ALMS1: variants seen among roughly 807,000 people sequenced by gnomAD.
ALMS1 encodes the protein centrosome-associated protein ALMS1.
In ALMS1, 271 loss-of-function variants were observed where a neutral mutation model predicts 352.2. That is an observed-to-expected ratio of 0.77 (90% CI 0.70 to 0.85). The LOEUF (loss-of-function observed/expected upper bound fraction) is 0.85. Among genes scored for constraint, ALMS1 ranks in the 40% least tolerant of loss-of-function variants. The probability of loss-of-function intolerance (pLI) is 0.00; values close to 1 mark genes in which losing one functional copy is unlikely to be tolerated. For synonymous variants in ALMS1, 1,865 were observed against 1,761.2 expected, an observed-to-expected ratio of 1.06 and a Z score of -1.48; for missense variants, 5,445 against 4,870.7, an observed-to-expected ratio of 1.12 and a Z score of -3.51.
At chr2:73,543,749 A>G (rs921134723) in intron 12 of ALMS1, among the ~76,000 whole-genome samples, 1 of 152,232 alleles carries the variant, frequency 6.6e-6, no homozygotes, top group Non-Finnish European at 1.5e-5. Context: ...TTATGCAGCC[A>G]ACAGACATGA....
rs1221837224 is a variant in ALMS1 at position 73,448,242 on chromosome 2, C to T, written c.1715C>T (p.Ser572Phe). The T allele has an allele frequency of 1.2e-6, 2 of 1,613,942 alleles. No homozygotes were observed. The highest frequency in any genetic ancestry group is 1.7e-6 in the Non-Finnish European group (2 of 1,179,940). The change falls in exon 8 of 23, where the codon TCT (serine) becomes TTT (phenylalanine). Residue 572 changes from serine (S) to phenylalanine (F), a missense_variant. By Grantham distance (155) the Ser-to-Phe change is radical (BLOSUM62 -2). Transcript: ENST00000613296. ...AAGACTGCAACACCAACAGTACTCTCTAGTTCCCACTCACATAGGGGGAAG... is the reference window on the plus strand; with the variant it reads ...AAGACTGCAACACCAACAGTACTCTTTAGTTCCCACTCACATAGGGGGAAG... ...DQKTATPTVL[S>F]SSHSHRGKPS...
At chr2:73,514,591 T>C (rs577279027) in intron 10 of ALMS1, among the ~76,000 whole-genome samples, 1 of 152,274 alleles carries the variant, frequency 6.6e-6, no homozygotes, top group East Asian at 1.9e-4. Flanking sequence ...ACGTAAAATA[T>C]GTATATATAC....
chr2:73,572,806 T>C lies in ALMS1; in HGVS notation c.10929T>C (p.Ser3643=), dbSNP rs1674966983. 2.5e-6 allele frequency: 4 copies of C among 1,613,876 alleles called. No homozygotes were observed. The highest frequency in any genetic ancestry group is 1.1e-5 in the South Asian group (1 of 91,060). The change falls in exon 16 of 23, where the codon TCT becomes TCC. Residue 3643 remains serine (S), a synonymous_variant. Coordinates refer to ENST00000613296, the MANE Select transcript of ALMS1 (RefSeq NM_001378454.1). ...AKILQNPITH[S]LQVSESTHDD... ...TTCTTCAGAATCCAATCACACATTC[T>C]CTCCAGGTCTCAGAAAGTACACATG...
chr2:73,408,101 A>G (rs948743180), intron 1 of ALMS1, among the ~76,000 whole-genome samples: 4 of 152,228 alleles, frequency 2.6e-5, no homozygotes, highest in Admixed American at 2.6e-4. Flanking sequence ...CTCAAGAACC[A>G]GTCCCTGAAC....
intron 1 of ALMS1, 109 bp downstream of exon 1, chr2:73,386,301 C>G: frequency 1.4e-6 from 2 of 1,386,240 alleles, no homozygotes; most frequent in Non-Finnish European, 1.9e-6. Flanking sequence ...AGAAAACGCG[C>G]GCAGCTGAGG....
At chr2:73,570,217 A>G (rs1023914817) in intron 15 of ALMS1, among the ~76,000 whole-genome samples, 2 of 152,218 alleles carry the variant, frequency 1.3e-5, no homozygotes, top group African/African-American at 4.8e-5. Context: ...GCTAGAATAG[A>G]GCTCAGTTAG....
chr2:73,514,381 C>T (rs1673513451), intron 10 of ALMS1, among the ~76,000 whole-genome samples: 1 of 151,392 alleles, frequency 6.6e-6, no homozygotes, highest in Non-Finnish European at 1.5e-5. Context: ...TATAGTTTAC[C>T]TTAAATTAGT....
chr2:73,409,841 A>G (rs1396527531), intron 2 of ALMS1, among the ~76,000 whole-genome samples: 1 of 152,214 alleles, frequency 6.6e-6, no homozygotes, highest in Non-Finnish European at 1.5e-5. Flanking sequence ...CTGGAGCCCC[A>G]GGAGGGCTGA....
chr2:73,453,378 C>A lies in ALMS1; in HGVS notation c.6851C>A (p.Ala2284Asp). Reference protein sequence around the residue: ...LKRCNFPAPLARFRDISDISF... With the variant: ...LKRCNFPAPLDRFRDISDISF... ...CGATGCAATTTTCCTGCTCCCCTTG[C>A]CCGTTTCAGAGATATTAGTGATATT... The change falls in exon 8 of 23, where the codon GCC (alanine) becomes GAC (aspartate). Residue 2284 changes from alanine (A) to aspartate (D), a missense_variant. Transcript: ENST00000613296. The A allele has an allele frequency of 6.2e-7, 1 of 1,613,840 alleles. No individual in the cohort carries two copies. The highest frequency in any genetic ancestry group is 8.5e-7 in the Non-Finnish European group (1 of 1,179,954).
Position 73,573,344 on chromosome 2 carries a change from C to T in ALMS1, c.11467C>T (p.Arg3823Trp), listed in dbSNP as rs17848868. Residue 3823 changes from arginine to tryptophan, a missense_variant, in exon 16 of 23, where the codon CGG becomes TGG. Physicochemically the swap from Arg to Trp is moderately radical, Grantham distance 101 (BLOSUM62 -3). Transcript: ENST00000613296. ...CCAACAGAGGAGATACCTTGAGAAG[C>T]GGAGCAAACACAGCAAGAAAGTGCT... ...TNQQRRYLEK[R>W]SKHSKKVLNT... 3.0e-5 allele frequency: 49 copies of T among 1,614,068 alleles called. No homozygotes were observed. In the Middle Eastern group the frequency reaches 8.2e-4, roughly 27 times the overall value.
chr2:73,544,450 G>A (rs993012768), intron 12 of ALMS1, among the ~76,000 whole-genome samples: 1 of 152,020 alleles, frequency 6.6e-6, no homozygotes, highest in Non-Finnish European at 1.5e-5. Flanking sequence ...CACCAACATG[G>A]CACATGTATA....
Position 73,573,324 on chromosome 2 carries a change from A to G in ALMS1, c.11447A>G (p.Gln3816Arg). ...TTATATAGCAGCATCACCAACCAAC[A>G]GAGGAGATACCTTGAGAAGCGGAGC... ...IKLYSSITNQQRRYLEKRSKH... is the reference protein window; with the variant it reads ...IKLYSSITNQRRRYLEKRSKH... Residue 3816 changes from glutamine (Q) to arginine (R), a missense_variant, in exon 16 of 23, where the codon CAG (glutamine) becomes CGG (arginine). Transcript: ENST00000613296. 2 of 1,614,142 alleles carry G rather than the reference A, an allele frequency of 1.2e-6. No homozygotes were observed. The highest frequency in any genetic ancestry group is 3.3e-5 in the Admixed American group (2 of 59,996).
rs1251727854 is a variant in ALMS1, at chr2:73,448,274, A to G, written c.1747A>G (p.Ile583Val). Residue 583 changes from isoleucine (I) to valine (V), a missense_variant, in exon 8 of 23, where the codon ATT becomes GTT. Physicochemically the swap from Ile to Val is conservative, Grantham distance 29 (BLOSUM62 3). Coordinates refer to ENST00000613296, the MANE Select transcript of ALMS1 (RefSeq NM_001378454.1). ...SSHSHRGKPSIFYQQGLPDSH... is the reference protein window; with the variant it reads ...SSHSHRGKPSVFYQQGLPDSH... ...CCACTCACATAGGGGGAAGCCCAGC[A>G]TTTTCTACCAGCAGGGCTTGCCAGA... 6.2e-7 allele frequency: 1 copy of G among 1,613,994 alleles called. No homozygotes were observed. The highest frequency in any genetic ancestry group is 1.7e-5 in the Admixed American group (1 of 59,996).
Position 73,451,255 on chromosome 2 carries a change from G to C in ALMS1, c.4728G>C (p.Lys1576Asn). 1 of 1,613,882 alleles carries C rather than the reference G, an allele frequency of 6.2e-7. No individual in the cohort carries two copies. The highest frequency in any genetic ancestry group is 8.5e-7 in the Non-Finnish European group (1 of 1,179,930). Residue 1576 changes from lysine (K) to asparagine (N), a missense_variant, in exon 8 of 23, where the codon AAG becomes AAC. By Grantham distance (94) the Lys-to-Asn change is moderately conservative. Coordinates refer to ENST00000613296, the MANE Select transcript of ALMS1 (RefSeq NM_001378454.1). ...ITSTSYSFGEKPIVNYKQAFP... is the reference protein window; with the variant it reads ...ITSTSYSFGENPIVNYKQAFP... ...CTACTTCCTACTCATTTGGAGAGAAGCCGATTGTTAACTACAAACAGGCCT... is the reference window on the plus strand; with the variant it reads ...CTACTTCCTACTCATTTGGAGAGAACCCGATTGTTAACTACAAACAGGCCT...
chr2:73,495,707 A>G (rs768633786), intron 10 of ALMS1, among the ~76,000 whole-genome samples: 11 of 152,132 alleles, frequency 7.2e-5, no homozygotes, highest in Admixed American at 5.9e-4. Flanking sequence ...TCATATCTGT[A>G]TCTTTTAACG....
intron 11 of ALMS1, among the ~76,000 whole-genome samples, chr2:73,533,193 G>A (rs1673958148): frequency 6.6e-6 from 1 of 152,248 alleles, no homozygotes; most frequent in Non-Finnish European, 1.5e-5. Context: ...TGGGTATGGA[G>A]TGGTGCAAGT....
At chr2:73,485,300 A>T (rs1170147322) in intron 9 of ALMS1, among the ~76,000 whole-genome samples, 2 of 151,934 alleles carry the variant, frequency 1.3e-5, no homozygotes, top group Admixed American at 6.6e-5. Context: ...AACAGACAGG[A>T]CCCTCCGCTG....
In ALMS1 at chr2:73,550,629, G is replaced by T. The variant is rs17848866; in HGVS notation, c.10078+192G>T. Among the ~76,000 whole-genome samples the T allele has an allele frequency of 3.7e-3, 556 of 152,156 alleles. 16 individuals carry two copies. The East Asian group carries it at 0.081, about 22-fold the overall frequency. The stretch of plus-strand genomic sequence containing the variant: ...TAATAAAGGAAGCATAAGCTTCAGA[G>T]ATTTTTGAAAATTATAAACTTCATT... On this transcript the variant is annotated intron_variant, in intron 13 of 22. Coordinates refer to ENST00000613296, the MANE Select transcript of ALMS1 (RefSeq NM_001378454.1).
intron 21 of ALMS1, chr2:73,603,595 C>T (rs569415271): frequency 2.1e-5 from 8 of 376,228 alleles, no homozygotes; most frequent in South Asian, 1.8e-4. Flanking sequence ...TACGGTGGCT[C>T]ATGCCTGTAA....
Sources: allele counts gnomAD v4.1 joint callset (sites outside exome capture counted in the v4.1 genomes callset), GRCh38; gene constraint gnomAD v4.1.1; transcripts MANE v1.5; gene names NCBI Gene and HGNC (gene_info 2026-07-23, HGNC 2026-07-21).